Variants in UBXN2B observed in about 807,000 individuals in gnomAD.
UBXN2B encodes the protein UBX domain protein 2B, also known as UBX domain-containing protein 2B.
A neutral mutation model predicts 37.5 loss-of-function variants in UBXN2B; 19 were observed. That is an observed-to-expected ratio of 0.51 (90% confidence interval 0.35 to 0.74). The LOEUF (loss-of-function observed/expected upper bound fraction) is 0.74, where lower values mean the gene tolerates loss of function less well. Among genes scored for constraint, UBXN2B ranks in the 30% least tolerant of loss-of-function variants. The pLI is 0.01. For missense variants in UBXN2B, 370 were observed against 393.2 expected (o/e 0.94, Z 0.50); for synonymous variants, 145 against 143.8 (o/e 1.01, Z -0.06).
chr8:58,420,400 A>G (rs550421156), intron 2 of UBXN2B, among the ~76,000 whole-genome samples: 10 of 152,350 alleles, frequency 6.6e-5, no homozygotes, highest in Non-Finnish European at 8.8e-5. Context: ...GCAAAAAGGC[A>G]ATTAAGTGAA....
At chr8:58,424,661 GC>G (rs1450479160) in intron 2 of UBXN2B, 1 of 1,095,884 alleles carries the variant, frequency 9.1e-7, no homozygotes, top group African/African-American at 1.6e-5. Context: ...TCTCATTTCT[GC>G]ACAGCGTGGA....
chr8:58,448,912 G>A lies in UBXN2B; in HGVS notation c.*1361G>A, dbSNP rs1021159913. On this transcript the variant is annotated 3_prime_UTR_variant, in exon 8 of 8. Transcript: ENST00000399598. ...GTTAGGAGTCCAGGTTAAGAGTTTCGCGGTGCCAAGATCAATTTGTTGGCA... is the reference window on the plus strand; with the variant it reads ...GTTAGGAGTCCAGGTTAAGAGTTTCACGGTGCCAAGATCAATTTGTTGGCA... 4 of 152,162 alleles carry A rather than the reference G, an allele frequency of 2.6e-5. No homozygotes were observed. Among genetic ancestry groups the A allele is most frequent in the African/African-American group, 4.8e-5 (2 of 41,440 alleles). The allele number at this position is 152,162 out of a possible 1,614,324, so 9.4% of individuals were successfully genotyped here.
rs180904774 is a variant in UBXN2B, at chr8:58,427,081, A to T, written c.189-3438A>T. On this transcript the variant is annotated intron_variant, in intron 2 of 7. Coordinates refer to ENST00000399598, the MANE Select transcript of UBXN2B (RefSeq NM_001077619.2). ...TTAGGAAAATAGGACTGGCAATACT[A>T]TATAAAATTAATGAGGATGGAGAGA... Among the ~76,000 whole-genome samples the T allele has an allele frequency of 3.0e-4, 46 of 152,398 alleles. 2 individuals carry two copies. The highest frequency in any genetic ancestry group is 2.2e-3 in the Admixed American group (33 of 15,308).
At chr8:58,411,698 C>T (rs771220999) in intron 1 of UBXN2B, among the ~76,000 whole-genome samples, 5 of 152,206 alleles carry the variant, frequency 3.3e-5, no homozygotes, top group Non-Finnish European at 5.9e-5. Flanking sequence ...TTCCACCCCA[C>T]GTATGATGTA....
At chr8:58,444,156 G>A (rs1377831810) in intron 6 of UBXN2B, among the ~76,000 whole-genome samples, 1 of 152,136 alleles carries the variant, frequency 6.6e-6, no homozygotes, top group Non-Finnish European at 1.5e-5. Context: ...AAAATAATAG[G>A]GAGGCAACTT....
chr8:58,418,849 A>G (rs1237474130), intron 2 of UBXN2B, among the ~76,000 whole-genome samples: 1 of 152,190 alleles, frequency 6.6e-6, no homozygotes, highest in African/African-American at 2.4e-5. Flanking sequence ...AAAGTACTTA[A>G]TATGTATCTC....
intron 1 of UBXN2B, chr8:58,413,393 GAATT>G (rs1237245412): frequency 6.6e-6 from 1 of 152,096 alleles, no homozygotes; most frequent in Non-Finnish European, 1.5e-5. Context: ...AAGTTTAAAA[GAATT>G]AAATAATGTT....
chr8:58,430,771 G>C (rs1227491488), intron 3 of UBXN2B, 102 bp downstream of exon 3: 1 of 928,950 alleles, frequency 1.1e-6, no homozygotes, highest in Non-Finnish European at 1.4e-6. Flanking sequence ...GTATATTTCT[G>C]TTTTAAATAT....
intron 3 of UBXN2B, among the ~76,000 whole-genome samples, chr8:58,431,888 C>A (rs564539846): frequency 3.3e-5 from 5 of 152,226 alleles, no homozygotes; most frequent in African/African-American, 1.2e-4. Flanking sequence ...CTGTATTATT[C>A]TTTTCAAGGA....
chr8:58,444,244 C>T (rs1808618218), intron 6 of UBXN2B, among the ~76,000 whole-genome samples: 1 of 151,876 alleles, frequency 6.6e-6, no homozygotes, highest in African/African-American at 2.4e-5. Context: ...TTTTTTTTTC[C>T]AGAGTTGTTG....
At chr8:58,423,790 C>A (rs1807998550) in intron 2 of UBXN2B, among the ~76,000 whole-genome samples, 1 of 151,646 alleles carries the variant, frequency 6.6e-6, no homozygotes. Flanking sequence ...TTGTCAGCAA[C>A]ATTTGACAAC....
intron 2 of UBXN2B, among the ~76,000 whole-genome samples, chr8:58,427,598 G>A (rs1234374896): frequency 6.6e-6 from 1 of 152,232 alleles, no homozygotes; most frequent in Non-Finnish European, 1.5e-5. Context: ...TAAGCCAGTG[G>A]GAAAGAGGGA....
intron 2 of UBXN2B, among the ~76,000 whole-genome samples, chr8:58,418,232 C>T (rs1169504914): frequency 6.3e-5 from 8 of 126,908 alleles, no homozygotes; most frequent in Non-Finnish European, 1.3e-4. Flanking sequence ...TGGAGAAGGA[C>T]TCTGTCTCCA....
chr8:58,419,158 G>A (rs549495438), intron 2 of UBXN2B, among the ~76,000 whole-genome samples: 17 of 152,268 alleles, frequency 1.1e-4, no homozygotes, highest in South Asian at 8.3e-4. Flanking sequence ...AGGTTGAGAC[G>A]TAAACTGTGT....
chr8:58,412,671 TTAG>T (rs1807668428), intron 1 of UBXN2B, among the ~76,000 whole-genome samples: 1 of 152,160 alleles, frequency 6.6e-6, no homozygotes, highest in Non-Finnish European at 1.5e-5. Context: ...CAGCATGGAG[TTAG>T]TAGTCCCACC....
intron 2 of UBXN2B, among the ~76,000 whole-genome samples, chr8:58,419,000 C>T (rs193034633): frequency 7.4e-4 from 113 of 152,218 alleles, no homozygotes; most frequent in Non-Finnish European, 1.4e-3. Flanking sequence ...TAAGATATTT[C>T]AGTGAAGGGT....
At position 58,430,652 on chromosome 8, in the gene UBXN2B, G is replaced by C; in HGVS notation, c.322G>C (p.Gly108Arg). ...TCTGAATGAAGCCACAAGAGCTTCA[G>C]GTGATGATAAATCTAAGGTCAGTGC... ...VPLNEATRASGDDKSKSFTGG... is the reference protein window; with the variant it reads ...VPLNEATRASRDDKSKSFTGG... The change falls in exon 3 of 8, where the codon GGT becomes CGT. Residue 108 changes from glycine to arginine, a missense_variant. This residue lies in a region of UBXN2B where 197 missense variants were observed against 170.2 expected (regional missense o/e 1.16). Transcript: ENST00000399598. 2 of 1,569,278 alleles carry C rather than the reference G, an allele frequency of 1.3e-6. No individual in the cohort carries two copies. The highest frequency in any genetic ancestry group is 2.3e-5 in the East Asian group (1 of 43,278).
At position 58,426,648 on chromosome 8, in the gene UBXN2B, C is replaced by T. The variant is rs1431902969; in HGVS notation, c.189-3871C>T. On this transcript the variant is annotated intron_variant, in intron 2 of 7. Coordinates refer to ENST00000399598, the MANE Select transcript of UBXN2B (RefSeq NM_001077619.2). The stretch of plus-strand genomic sequence containing the variant: ...CAACAGTGGGTTTTCTGCCTCCACC[C>T]CAGTGATATTTGGGTGAAACCATCT... The T allele has an allele frequency of 6.7e-6, 5 of 740,928 alleles. No individual in the cohort carries two copies. In the African/African-American group the frequency reaches 6.9e-5, roughly 10 times the overall value. The allele number at this position is 740,928 out of a possible 1,614,324, so 45.9% of individuals were successfully genotyped here.
chr8:58,440,858 A>G (rs922981618), intron 6 of UBXN2B, among the ~76,000 whole-genome samples: 3 of 152,158 alleles, frequency 2.0e-5, no homozygotes, highest in Non-Finnish European at 4.4e-5. Context: ...AGAGACTGGC[A>G]CTGGGGACAT....
Sources: allele counts gnomAD v4.1 joint callset (sites outside exome capture counted in the v4.1 genomes callset), GRCh38; gene constraint gnomAD v4.1.1; regional missense constraint gnomAD v4.1.1; transcripts MANE v1.5; gene names NCBI Gene and HGNC (gene_info 2026-07-23, HGNC 2026-07-21).